Variants in ADGRG2 observed in about 807,000 individuals in gnomAD.
ADGRG2 encodes the protein adhesion G protein-coupled receptor G2, also known as G protein-coupled receptor 64.
ADGRG2 carries 26 observed loss-of-function variants against 74.1 expected under a neutral mutation model. The ratio of observed to expected loss-of-function variants is 0.35; its 90% confidence interval spans 0.26 to 0.49. ADGRG2 has a LOEUF of 0.49. Ranked by LOEUF, ADGRG2 falls within the 20% of genes least tolerant of loss-of-function variation. The probability of loss-of-function intolerance (pLI) is 0.99; values close to 1 mark genes in which losing one functional copy is unlikely to be tolerated. For missense variants in ADGRG2, 619 were observed against 763.1 expected, an observed-to-expected ratio of 0.81 and a Z score of 2.22; for synonymous variants, 296 against 295.2, an observed-to-expected ratio of 1.00 and a Z score of -0.03.
At chrX:19,045,533 C>G (rs972673072) in intron 3 of ADGRG2, among the ~76,000 whole-genome samples, 2 of 109,351 alleles carry the variant, frequency 1.8e-5, no homozygotes, top group Non-Finnish European at 3.8e-5. Flanking sequence ...GTCTGGAACT[C>G]CTGACCTCAA....
rs1400413536 is a variant in ADGRG2, at chrX:19,013,968, C to T, written c.817G>A (p.Val273Ile). The change falls in exon 16 of 29, where the codon GTC becomes ATC. Residue 273 changes from valine (V) to isoleucine (I), a missense_variant. Val to Ile is a conservative substitution (Grantham distance 29). Coordinates refer to ENST00000379869, the MANE Select transcript of ADGRG2 (RefSeq NM_001079858.3). ...VVPRATVLSQVPKATSFAEPP... is the reference protein window; with the variant it reads ...VVPRATVLSQIPKATSFAEPP... Reference sequence around the variant, plus strand: ...TCAGCAAAAGAGGTAGCTTTGGGGACCTGGGAAAGCACAGTGGCCCGAGGC... The same window carrying T: ...TCAGCAAAAGAGGTAGCTTTGGGGATCTGGGAAAGCACAGTGGCCCGAGGC... The T allele has an allele frequency of 1.7e-6, 2 of 1,207,938 alleles. No individual in the cohort carries two copies. The highest frequency in any genetic ancestry group is 3.5e-5 in the African/African-American group (2 of 56,622).
At chrX:18,999,819 T>C (rs1368437958) in intron 25 of ADGRG2, 42 bp downstream of exon 25, 1 of 801,508 alleles carries the variant, frequency 1.2e-6, no homozygotes, top group South Asian at 2.1e-5. Context: ...GCATTCCGTT[T>C]TCCAGTTCAC....
At chrX:19,044,803 A>G (rs1334953876) in intron 3 of ADGRG2, among the ~76,000 whole-genome samples, 1 of 111,937 alleles carries the variant, frequency 8.9e-6, no homozygotes, top group Non-Finnish European at 1.9e-5. Flanking sequence ...GGATTCTCAA[A>G]GAGAGAATGT....
intron 15 of ADGRG2, 77 bp downstream of exon 15, chrX:19,019,522 T>C: frequency 1.7e-6 from 1 of 593,009 alleles, no homozygotes. Flanking sequence ...CTCCCAAAAT[T>C]CTAAAACTCC....
At chrX:19,060,967 G>A (rs2061481408) in intron 3 of ADGRG2, among the ~76,000 whole-genome samples, 1 of 111,818 alleles carries the variant, frequency 8.9e-6, no homozygotes, top group Non-Finnish European at 1.9e-5. Flanking sequence ...CATAATGTTC[G>A]AGGATCCCTG....
At chrX:19,105,666 C>T (rs1218273908) in intron 1 of ADGRG2, among the ~76,000 whole-genome samples, 2 of 110,933 alleles carry the variant, frequency 1.8e-5, no homozygotes, top group African/African-American at 3.3e-5. Flanking sequence ...CACCACGGCA[C>T]GTGTATACCT....
chrX:19,084,536 C>G (rs1054438845), intron 1 of ADGRG2, among the ~76,000 whole-genome samples: 4 of 111,852 alleles, frequency 3.6e-5, no homozygotes, highest in Admixed American at 9.5e-5. Flanking sequence ...GAACACATGT[C>G]CCAATGCTGA....
chrX:19,014,080 G>C lies in ADGRG2; in HGVS notation c.711-6C>G. ...CAATGGGATCCTGCAGGTCACTAAAGGAACAAATCAGAGAGATACATGTGA... is the reference window on the plus strand; with the variant it reads ...CAATGGGATCCTGCAGGTCACTAAACGAACAAATCAGAGAGATACATGTGA... On this transcript the variant is annotated splice_polypyrimidine_tract_variant and splice_region_variant and intron_variant, in intron 15 of 28. Transcript: ENST00000379869. The C allele has an allele frequency of 1.7e-6, 2 of 1,183,057 alleles. No homozygotes were observed. The highest frequency in any genetic ancestry group is 2.3e-6 in the Non-Finnish European group (2 of 878,091).
intron 1 of ADGRG2, among the ~76,000 whole-genome samples, chrX:19,106,656 C>G (rs2062298777): frequency 9.0e-6 from 1 of 111,249 alleles, no homozygotes; most frequent in Non-Finnish European, 1.9e-5. Flanking sequence ...CAGTGGCTCA[C>G]GCCTGTAATC....
chrX:19,013,135 C>T lies in ADGRG2; in HGVS notation c.1099+551G>A, dbSNP rs193300165. 6.3e-5 allele frequency among the ~76,000 whole-genome samples: 7 copies of T among 111,465 alleles called. No individual in the cohort carries two copies. The East Asian group carries it at 2.0e-3, about 32-fold the overall frequency. ...AGTGTTTCTCCCCTCCTACCACTAC[C>T]TTGGCTCAGTCCCAGCTCTGTCACT... is the stretch of plus-strand genomic sequence containing the variant. On this transcript the variant is annotated intron_variant, in intron 16 of 28. Transcript: ENST00000379869.
At chrX:19,082,072 C>CAAAAAAAAAAAAAAAAAAAAAAAA (rs57534658) in intron 2 of ADGRG2, among the ~76,000 whole-genome samples, 2 of 21,204 alleles carry the variant, frequency 9.4e-5, no homozygotes, top group African/African-American at 1.4e-4. Flanking sequence ...GACCCTGTCT[C>CAAAAAAAAAAAAAAAAAAAAAAAA]AAAAAAAAAA....
chrX:19,014,886 G>A (rs1233660478), intron 15 of ADGRG2, among the ~76,000 whole-genome samples: 4 of 112,076 alleles, frequency 3.6e-5, no homozygotes, highest in African/African-American at 1.3e-4. Flanking sequence ...GCCCGCCTCA[G>A]CCTCCCAAAG....
chrX:19,105,836 G>A (rs2062276661), intron 1 of ADGRG2, among the ~76,000 whole-genome samples: 1 of 103,708 alleles, frequency 9.6e-6, no homozygotes, highest in Non-Finnish European at 1.9e-5. Context: ...ACTGGGTTGG[G>A]AGAATCACTT....
chrX:19,088,255 C>T (rs1202129396), intron 1 of ADGRG2, among the ~76,000 whole-genome samples: 2 of 112,245 alleles, frequency 1.8e-5, no homozygotes, highest in East Asian at 5.6e-4. Flanking sequence ...TGACATTAAG[C>T]TATATTCACA....
At chrX:19,121,406 G>A (rs919134861) in intron 1 of ADGRG2, among the ~76,000 whole-genome samples, 1 of 111,552 alleles carries the variant, frequency 9.0e-6, no homozygotes, top group Non-Finnish European at 1.9e-5. Context: ...TTCAGGGGGC[G>A]AAGGGAAAGT....
At chrX:19,012,308 C>T (rs2060372992) in intron 16 of ADGRG2, among the ~76,000 whole-genome samples, 2 of 111,219 alleles carry the variant, frequency 1.8e-5, no homozygotes, top group African/African-American at 6.5e-5. Context: ...GCACCAGAGG[C>T]CACCTTGATA....
At chrX:19,009,180 C>CTT (rs768125023) in intron 18 of ADGRG2, among the ~76,000 whole-genome samples, 2 of 99,471 alleles carry the variant, frequency 2.0e-5, no homozygotes, top group Admixed American at 1.1e-4. Flanking sequence ...AGACCAACGT[C>CTT]TTTTTTTTTT....
intron 1 of ADGRG2, among the ~76,000 whole-genome samples, chrX:19,109,530 G>A (rs773931107): frequency 3.6e-5 from 4 of 111,705 alleles, no homozygotes; most frequent in East Asian, 2.8e-4. Flanking sequence ...TTTTAGACCA[G>A]TACAAAGTAC....
chrX:19,086,946 G>A (rs1032205980), intron 1 of ADGRG2, among the ~76,000 whole-genome samples: 2 of 111,571 alleles, frequency 1.8e-5, no homozygotes. Context: ...GATGGGGCCA[G>A]AGAGAAGGAA....
Sources: allele counts gnomAD v4.1 joint callset (sites outside exome capture counted in the v4.1 genomes callset), GRCh38; gene constraint gnomAD v4.1.1; transcripts MANE v1.5; gene names NCBI Gene and HGNC (gene_info 2026-07-23, HGNC 2026-07-21).